Variants in CSMD1 observed in about 807,000 individuals in gnomAD.
The protein encoded by CSMD1 is CUB and Sushi multiple domains 1.
In CSMD1, 213 loss-of-function variants were observed where a neutral mutation model predicts 417.5. The observed-to-expected ratio is 0.51, with a 90% CI of 0.46 to 0.57. CSMD1 has a LOEUF of 0.57. Among genes scored for constraint, CSMD1 ranks in the 20% least tolerant of loss-of-function variants. CSMD1 has a pLI of 0.00. For synonymous variants in CSMD1, 2,862 were observed against 1,736.8 expected (o/e 1.65, Z -16.11); for missense variants, 6,923 against 4,529.7 (o/e 1.53, Z -15.17).
At chr8:3,538,850 G>T (rs892265592) in intron 10 of CSMD1, among the ~76,000 whole-genome samples, 1 of 152,156 alleles carries the variant, frequency 6.6e-6, no homozygotes, top group Non-Finnish European at 1.5e-5. Flanking sequence ...TGCTGCTGCG[G>T]TCTTCCTAAG....
chr8:4,962,426 G>A (rs905536455), intron 1 of CSMD1, among the ~76,000 whole-genome samples: 10 of 152,016 alleles, frequency 6.6e-5, no homozygotes, highest in Admixed American at 1.3e-4. Context: ...GCCAAAGCTG[G>A]CCTTGAACTA....
chr8:4,598,533 G>T (rs562265829), intron 2 of CSMD1, among the ~76,000 whole-genome samples: 1 of 152,144 alleles, frequency 6.6e-6, no homozygotes, highest in Admixed American at 6.5e-5. Context: ...TAGTTACAAT[G>T]TATCTGCCAA....
intron 68 of CSMD1, among the ~76,000 whole-genome samples, chr8:2,943,631 G>C (rs139212247): frequency 1.3e-5 from 2 of 152,316 alleles, no homozygotes; most frequent in South Asian, 2.1e-4. Flanking sequence ...TCATGGCATG[G>C]CACTGAGAGG....
chr8:3,262,794 A>G (rs1342663384), intron 26 of CSMD1, among the ~76,000 whole-genome samples: 1 of 152,234 alleles, frequency 6.6e-6, no homozygotes, highest in South Asian at 2.1e-4. Flanking sequence ...AAAACATGCC[A>G]TAATGTATAC....
intron 7 of CSMD1, among the ~76,000 whole-genome samples, chr8:3,634,552 C>A (rs907089834): frequency 3.9e-5 from 6 of 152,156 alleles, no homozygotes; most frequent in African/African-American, 1.4e-4. Flanking sequence ...TGCCTTTAAA[C>A]TGTCTCTTTT....
rs1819187313 is a variant in CSMD1 at position 3,151,420 on chromosome 8, C to G, written c.6008G>C (p.Arg2003Thr). The change falls in exon 40 of 70, where the codon AGG becomes ACG. Residue 2003 changes from arginine to threonine, a missense_variant. By Grantham distance (71) the Arg-to-Thr change is moderately conservative. Transcript: ENST00000635120. Reference protein sequence around the residue: ...SYPNNLDCTWRISLPIGYGAH... With the variant: ...SYPNNLDCTWTISLPIGYGAH... ...ACCATAGCCGATGGGTAATGAGATCCTCCAGGTGCAGTCTAAGTTGTTGGG... is the reference window on the plus strand; with the variant it reads ...ACCATAGCCGATGGGTAATGAGATCGTCCAGGTGCAGTCTAAGTTGTTGGG... The G allele has an allele frequency of 6.2e-7, 1 of 1,612,660 alleles. No individual in the cohort carries two copies.
At chr8:4,176,470 G>T (rs1321498308) in intron 3 of CSMD1, among the ~76,000 whole-genome samples, 1 of 151,498 alleles carries the variant, frequency 6.6e-6, no homozygotes, top group Admixed American at 6.6e-5. Flanking sequence ...TCTCATCCTG[G>T]CACCTTCTAA....
intron 6 of CSMD1, among the ~76,000 whole-genome samples, chr8:3,723,085 A>G (rs1160138959): frequency 6.6e-6 from 1 of 152,178 alleles, no homozygotes; most frequent in African/African-American, 2.4e-5. Context: ...CCTAAGGAAG[A>G]ATCCTTTTTG....
At chr8:4,362,828 G>C (rs1801849029) in intron 3 of CSMD1, among the ~76,000 whole-genome samples, 1 of 152,100 alleles carries the variant, frequency 6.6e-6, no homozygotes, top group African/African-American at 2.4e-5. Flanking sequence ...TATAATATGG[G>C]ATAGTTGTTC....
intron 7 of CSMD1, among the ~76,000 whole-genome samples, chr8:3,685,801 A>G (rs1274963112): frequency 3.3e-5 from 5 of 152,152 alleles, no homozygotes; most frequent in Admixed American, 1.3e-4. Context: ...ATATACATTT[A>G]TAAAGTACAT....
intron 3 of CSMD1, among the ~76,000 whole-genome samples, chr8:4,185,761 A>T (rs1408724279): frequency 1.3e-5 from 2 of 152,192 alleles, no homozygotes; most frequent in African/African-American, 4.8e-5. Flanking sequence ...TTTGAGATAA[A>T]ATATCCCCTA....
chr8:4,219,057 G>A (rs1018570680), intron 3 of CSMD1, among the ~76,000 whole-genome samples: 1 of 152,086 alleles, frequency 6.6e-6, no homozygotes, highest in African/African-American at 2.4e-5. Context: ...ATACGTTAGA[G>A]GTACACCGTC....
At chr8:3,481,069 T>G (rs987180912) in intron 11 of CSMD1, among the ~76,000 whole-genome samples, 1 of 147,058 alleles carries the variant, frequency 6.8e-6, no homozygotes, top group Admixed American at 7.1e-5. Flanking sequence ...GGCAGGAGAG[T>G]GCTTTGAACC....
At chr8:4,086,540 C>T (rs1218089068) in intron 3 of CSMD1, among the ~76,000 whole-genome samples, 4 of 152,186 alleles carry the variant, frequency 2.6e-5, no homozygotes, top group African/African-American at 9.7e-5. Context: ...ATTTGTCAAG[C>T]TCTTAAAATA....
intron 3 of CSMD1, among the ~76,000 whole-genome samples, chr8:4,181,113 C>A (rs968366634): frequency 6.6e-6 from 1 of 152,100 alleles, no homozygotes; most frequent in South Asian, 2.1e-4. Flanking sequence ...GATTGACCAG[C>A]CAATTCCAAG....
intron 25 of CSMD1, among the ~76,000 whole-genome samples, chr8:3,304,728 C>CTT (rs1465964978): frequency 3.5e-5 from 1 of 28,770 alleles, no homozygotes; most frequent in Non-Finnish European, 1.1e-4. Flanking sequence ...TTTTATTTTT[C>CTT]TCTTTTTAAT....
chr8:3,370,260 C>G (rs1235649830), intron 18 of CSMD1, among the ~76,000 whole-genome samples: 6 of 152,172 alleles, frequency 3.9e-5, no homozygotes, highest in Non-Finnish European at 7.3e-5. Context: ...CTCAAGCTAT[C>G]CTATGAATGG....
chr8:4,524,296 TAAC>T (rs1393486304), intron 2 of CSMD1, among the ~76,000 whole-genome samples: 1 of 151,530 alleles, frequency 6.6e-6, no homozygotes, highest in Admixed American at 6.6e-5. Flanking sequence ...AAATATGTGT[TAAC>T]AACCTGCTAG....
chr8:3,761,740 A>T (rs951879522), intron 5 of CSMD1, among the ~76,000 whole-genome samples: 2 of 152,068 alleles, frequency 1.3e-5, no homozygotes, highest in African/African-American at 4.8e-5. Context: ...TTCTGATCTC[A>T]GGTGATCCAT....
Sources: gnomAD v4.1 joint callset for allele counts (sites outside exome capture counted in the v4.1 genomes callset) on GRCh38, gnomAD v4.1.1 for gene constraint, MANE v1.5 for transcripts, NCBI Gene and HGNC (gene_info 2026-07-23, HGNC 2026-07-21) for gene names.